Variants in INTS1 observed in about 807,000 individuals in gnomAD.
INTS1 encodes integrator complex subunit 1.
INTS1 carries 137 observed loss-of-function variants against 241.6 expected under a neutral mutation model. The ratio of observed to expected loss-of-function variants is 0.57; its 90% CI spans 0.49 to 0.65. The LOEUF (loss-of-function observed/expected upper bound fraction) is 0.65. Among genes scored for constraint, INTS1 ranks in the 30% least tolerant of loss-of-function variants. The pLI, the probability that INTS1 is intolerant of heterozygous loss-of-function variation, is 0.00. For synonymous variants in INTS1, 1,692 were observed against 1,337.8 expected (o/e 1.26, Z -5.78); for missense variants, 3,073 against 3,032.2 (o/e 1.01, Z -0.32).
In INTS1 at chr7:1,500,406, C is replaced by G. The variant is rs375425368; in HGVS notation, c.350-40G>C. On this transcript the variant is annotated intron_variant, in intron 3 of 47. Coordinates refer to ENST00000404767, the MANE Select transcript of INTS1 (RefSeq NM_001080453.3). ...CGGTACGGTCAGAACGGGGCCAGGG[C>G]AGGGTCACCCCAAAGCCTCGGGACA... 23 of 1,496,452 alleles carry G rather than the reference C, an allele frequency of 1.5e-5. No homozygotes were observed. In the African/African-American group the frequency reaches 2.2e-4, roughly 14 times the overall value. The allele number at this position is 1,496,452 out of a possible 1,614,324, so 92.7% of individuals were successfully genotyped here. A position where few individuals can be genotyped will look rare whatever the true frequency, so the allele number is the denominator to read the frequency against.
At position 1,477,575 on chromosome 7, in the gene INTS1, A is replaced by T; in HGVS notation, c.4913T>A (p.Leu1638His). Residue 1638 changes from leucine to histidine, a missense_variant, in exon 35 of 48, where the codon CTC becomes CAC. Coordinates refer to ENST00000404767, the MANE Select transcript of INTS1 (RefSeq NM_001080453.3). ...CTTCCTCCGGGAGAAGAGCAGCCTG[A>T]GCTGCAGGTCGGGGCAGCTGCTGAC... Reference protein sequence around the residue: ...EVVSSCPDLQLRLLFSRRKGK... With the variant: ...EVVSSCPDLQHRLLFSRRKGK... 1 of 1,545,704 alleles carries T rather than the reference A, an allele frequency of 6.5e-7. No homozygotes were observed. The highest frequency in any genetic ancestry group is 8.7e-7 in the Non-Finnish European group (1 of 1,147,284).
At position 1,472,927 on chromosome 7, in the gene INTS1, CA is replaced by C. The variant is rs1401730117; in HGVS notation, c.6070+144del. On this transcript the variant is annotated intron_variant, in intron 43 of 47. Transcript: ENST00000404767. ...AGTGCTTCGTCCCCTTGAGGTGGGT[CA>C]GGGGCCAGCCAGCAAGGTCCCAGGC... The C allele has an allele frequency of 2.6e-5, 15 of 570,478 alleles. 1 individual carries two copies. The highest frequency in any genetic ancestry group is 2.5e-4 in the South Asian group (11 of 43,322). 35.3% of individuals were successfully genotyped at this position (570,478 alleles called of 1,614,324 possible).
rs1443511167 is a variant in INTS1 at position 1,485,314 on chromosome 7, G to A, written c.3132C>T (p.Ser1044=). The part of the protein sequence containing the change: ...PRLPLFDSVR[S]TTALALQQAI... ...CCTGCTGCAGGGCCAGGGCTGTGGT[G>A]CTCCTGACGCTGTCGAACAGAGGCA... Residue 1044 remains serine, a synonymous_variant, in exon 23 of 48, where the codon AGC becomes AGT. Coordinates refer to ENST00000404767, the MANE Select transcript of INTS1 (RefSeq NM_001080453.3). 9 of 1,611,158 alleles carry A rather than the reference G, an allele frequency of 5.6e-6. No individual in the cohort carries two copies. The highest frequency in any genetic ancestry group is 7.6e-6 in the Non-Finnish European group (9 of 1,179,722).
At chr7:1,492,712 A>G (rs1364904860) in intron 16 of INTS1, among the ~76,000 whole-genome samples, 2 of 152,358 alleles carry the variant, frequency 1.3e-5, no homozygotes, top group East Asian at 3.9e-4. Flanking sequence ...ACGGGGAAAC[A>G]GCCCACTCAA....
chr7:1,494,324 G>A, intron 14 of INTS1: 1 of 269,002 alleles, frequency 3.7e-6, no homozygotes, highest in Non-Finnish European at 7.2e-6. Context: ...AGCGCCCAGG[G>A]CACGAGGTGG....
chr7:1,491,888 G>A (rs1173977959), intron 16 of INTS1, among the ~76,000 whole-genome samples: 2 of 152,198 alleles, frequency 1.3e-5, no homozygotes, highest in Admixed American at 6.5e-5. Context: ...GACAGACAGA[G>A]CAAGACTCCG....
rs1420531297 is a variant in INTS1, at chr7:1,480,354, A to G, written c.4037T>C (p.Leu1346Pro). Residue 1346 changes from leucine to proline, a missense_variant, in exon 30 of 48, where the codon CTG becomes CCG. Leu to Pro is a moderately conservative substitution (Grantham distance 98). Coordinates refer to ENST00000404767, the MANE Select transcript of INTS1 (RefSeq NM_001080453.3). ...GCCAGCCAGGTCGTCCTCAGGGCCC[A>G]GCACCCGGAGCTGGGTCCCCACCCG... ...RIRVGTQLRV[L>P]GPEDDLAGMF... 2 of 1,611,602 alleles carry G rather than the reference A, an allele frequency of 1.2e-6. No individual in the cohort carries two copies. The highest frequency in any genetic ancestry group is 1.7e-6 in the Non-Finnish European group (2 of 1,179,464).
At position 1,502,598 on chromosome 7, in the gene INTS1, C is replaced by T. The variant is rs943361002; in HGVS notation, c.349+303G>A. 3.9e-5 allele frequency among the ~76,000 whole-genome samples: 6 copies of T among 152,280 alleles called. No individual in the cohort carries two copies. In the South Asian group the frequency reaches 1.2e-3, roughly 32 times the overall value. On this transcript the variant is annotated intron_variant, in intron 3 of 47. Transcript: ENST00000404767. ...CTGGGGTGTCGTCACGCCCGGTTTA[C>T]CCCCAGGGCTCAGACAGTGCCCGTC...
chr7:1,499,205 G>GGCGCCC (rs1486918346), intron 7 of INTS1, 44 bp from the exon 8 acceptor site: 1 of 1,604,160 alleles, frequency 6.2e-7, no homozygotes, highest in Non-Finnish European at 8.5e-7. Flanking sequence ...GTGGCCCCGA[G>GGCGCCC]GCGCCCGCCC....
intron 2 of INTS1, 48 bp downstream of exon 2, chr7:1,503,855 A>AAAGTCCCCCC: frequency 1.5e-6 from 2 of 1,320,630 alleles, no homozygotes; most frequent in Non-Finnish European, 2.1e-6. Flanking sequence ...AAAGACCCCC[A>AAAGTCCCCCC]AAGACCCCCA....
At position 1,482,665 on chromosome 7, in the gene INTS1, G is replaced by A. The variant is rs1047976345; in HGVS notation, c.3584C>T (p.Pro1195Leu). 11 of 1,612,740 alleles carry A rather than the reference G, an allele frequency of 6.8e-6. No individual in the cohort carries two copies. The highest frequency in any genetic ancestry group is 2.2e-5 in the East Asian group (1 of 44,876). ...EFQALLDIWF[P>L]EEKPLPTAFL... is the part of the protein sequence containing the mutation. ...GGCGGTGGGCAGTGGCTTCTCCTCCGGAAACCAGATGTCCAGCAGCGCCTG... is the reference window on the plus strand; with the variant it reads ...GGCGGTGGGCAGTGGCTTCTCCTCCAGAAACCAGATGTCCAGCAGCGCCTG... The change falls in exon 27 of 48, where the codon CCG becomes CTG. Residue 1195 changes from proline (P) to leucine (L), a missense_variant. By Grantham distance (98) the Pro-to-Leu change is moderately conservative. Coordinates refer to ENST00000404767, the MANE Select transcript of INTS1 (RefSeq NM_001080453.3).
chr7:1,475,334 A>T (rs1262965011), intron 39 of INTS1, among the ~76,000 whole-genome samples: 1 of 152,114 alleles, frequency 6.6e-6, no homozygotes, highest in African/African-American at 2.4e-5. Flanking sequence ...GCAGTGAGCT[A>T]TGATGGTACC....
At chr7:1,499,776 G>A in intron 5 of INTS1, 108 bp downstream of exon 5, 1 of 1,475,996 alleles carries the variant, frequency 6.8e-7, no homozygotes, top group Non-Finnish European at 9.1e-7. Context: ...TCACCACCAG[G>A]GCTGTCAGAC....
intron 47 of INTS1, 47 bp downstream of exon 47, chr7:1,470,799 G>C (rs779660617): frequency 6.7e-7 from 1 of 1,497,082 alleles, no homozygotes; most frequent in African/African-American, 1.4e-5. Flanking sequence ...CGCACCTCCG[G>C]CCTCCCCGAG....
At chr7:1,483,213 G>A (rs10807961) in intron 26 of INTS1, 95,862 of 216,672 alleles carry the variant, frequency 0.44, 21,785 homozygotes, top group East Asian at 0.7. Context: ...CAGACACAAC[G>A]GGGTGAACGT....
intron 36 of INTS1, 50 bp downstream of exon 36, chr7:1,476,744 G>A (rs371299805): frequency 2.2e-5 from 35 of 1,612,298 alleles, no homozygotes; most frequent in Admixed American, 1.5e-4. Context: ...GAGATTTCTG[G>A]TGAAGGCCAG....
chr7:1,492,880 G>A lies in INTS1; in HGVS notation c.2165+130C>T, dbSNP rs528617308. 5.3e-4 allele frequency: 300 copies of A among 562,470 alleles called. 11 individuals are homozygous for A. In the South Asian group the frequency reaches 5.8e-3, roughly 11 times the overall value. 34.8% of individuals were successfully genotyped at this position (562,470 alleles called of 1,614,324 possible). A position where few individuals can be genotyped will look rare whatever the true frequency, so the allele number is the denominator to read the frequency against. ...GAGCGGGGCGCGGGCTTACCCGGGC[G>A]GGAGTGGGGAGCGGGGCGCAGGCTT... On this transcript the variant is annotated intron_variant, in intron 16 of 47. Coordinates refer to ENST00000404767, the MANE Select transcript of INTS1 (RefSeq NM_001080453.3).
chr7:1,480,255 G>C (rs1781932829), intron 30 of INTS1, 62 bp downstream of exon 30: 2 of 1,533,582 alleles, frequency 1.3e-6, no homozygotes, highest in Admixed American at 3.9e-5. Flanking sequence ...CGAGGCGGCA[G>C]CGAAGGCTGC....
At chr7:1,482,486 G>C in intron 27 of INTS1, 60 bp downstream of exon 27, 1 of 1,522,056 alleles carries the variant, frequency 6.6e-7, no homozygotes, top group Non-Finnish European at 8.9e-7. Flanking sequence ...ACAAGGAGCA[G>C]GCAAGGGGCC....
Sources: gnomAD v4.1 joint callset for allele counts (sites outside exome capture counted in the v4.1 genomes callset) on GRCh38, gnomAD v4.1.1 for gene constraint, MANE v1.5 for transcripts, NCBI Gene and HGNC (gene_info 2026-07-23, HGNC 2026-07-21) for gene names.